Variants in GRIP1 observed in about 807,000 individuals in gnomAD.
The protein encoded by GRIP1 is glutamate receptor interacting protein 1.
GRIP1 carries 45 observed loss-of-function variants against 129.9 expected under a neutral mutation model. That is an observed-to-expected ratio of 0.35 (90% confidence interval 0.27 to 0.44). The LOEUF is 0.44. GRIP1 is among the 20% of genes least tolerant of loss of function. The pLI is 1.00. For synonymous variants in GRIP1, 530 were observed against 520.8 expected (o/e 1.02, Z -0.24); for missense variants, 1,196 against 1,396.8 (o/e 0.86, Z 2.29).
chr12:66,454,720 G>C (rs774671638), intron 11 of GRIP1, among the ~76,000 whole-genome samples: 10 of 152,084 alleles, frequency 6.6e-5, no homozygotes, highest in Admixed American at 4.6e-4. Flanking sequence ...CAAGAATCAT[G>C]GTTGAAATTC....
intron 23 of GRIP1, among the ~76,000 whole-genome samples, chr12:66,361,225 C>A (rs146205739): frequency 6.6e-6 from 1 of 152,274 alleles, no homozygotes; most frequent in African/African-American, 2.4e-5. Context: ...GCCTTCCTGT[C>A]TGGGGAGTCT....
In GRIP1 at chr12:66,986,848, T is replaced by A. The variant is rs28442245; in HGVS notation, c.58+82202A>T. Among the ~76,000 whole-genome samples the A allele has an allele frequency of 3.0e-4, 34 of 112,214 alleles. No homozygotes were observed. In the South Asian group the frequency reaches 4.3e-3, roughly 14 times the overall value. The allele number at this position is 112,214 out of a possible 152,430, so 73.6% of individuals were successfully genotyped here. ...TATAATAATAATAAAATAAAATTTT[T>A]AAAAAATTTTAAAAAAATAAAATAA... On this transcript the variant is annotated intron_variant, in intron 1 of 1. Coordinates refer to the GRIP1 transcript ENST00000643019.
At position 66,443,210 on chromosome 12, in the gene GRIP1, G is replaced by T. The variant is rs139602779; in HGVS notation, c.1687+1374C>A. Among the ~76,000 whole-genome samples, 521 of 152,312 alleles carry T rather than the reference G, an allele frequency of 3.4e-3. 6 individuals carry two copies. Among genetic ancestry groups the T allele is most frequent in the African/African-American group, 0.012 (481 of 41,572 alleles). ...TCCCTGGAGCCCTCTTCTTGATTAT[G>T]CCTTGTTTTTGGGCTGGGAGCCCAA... is the stretch of plus-strand genomic sequence containing the variant. On this transcript the variant is annotated intron_variant, in intron 13 of 24. Coordinates refer to ENST00000359742, the MANE Select transcript of GRIP1 (RefSeq NM_001366722.1).
intron 1 of GRIP1, among the ~76,000 whole-genome samples, chr12:66,635,640 G>A (rs2031286883): frequency 6.6e-6 from 1 of 151,966 alleles, no homozygotes; most frequent in Admixed American, 6.6e-5. Flanking sequence ...CCACCATAAA[G>A]AGATTGTAAA....
chr12:66,610,123 G>A (rs956138377), intron 1 of GRIP1, among the ~76,000 whole-genome samples: 10 of 152,152 alleles, frequency 6.6e-5, no homozygotes, highest in Admixed American at 5.9e-4. Context: ...ACGCAAATCA[G>A]TCAGAATTTT....
intron 1 of GRIP1, among the ~76,000 whole-genome samples, chr12:66,916,033 G>A (rs899625576): frequency 2.0e-5 from 3 of 152,214 alleles, no homozygotes. Flanking sequence ...AGGTGGGCTA[G>A]TGGCACTCTG....
intron 1 of GRIP1, among the ~76,000 whole-genome samples, chr12:66,652,249 C>T (rs1359519024): frequency 1.3e-5 from 2 of 152,074 alleles, no homozygotes; most frequent in African/African-American, 4.8e-5. Flanking sequence ...GTGATTGGAT[C>T]ATGGGGGTGG....
At chr12:66,614,372 C>A (rs10878468) in intron 1 of GRIP1, among the ~76,000 whole-genome samples, 10,526 of 152,068 alleles carry the variant, frequency 0.069, 504 homozygotes, top group East Asian at 0.19. Flanking sequence ...AGCCCTCCCC[C>A]ACACCATAGC....
intron 1 of GRIP1, among the ~76,000 whole-genome samples, chr12:66,846,023 T>C (rs1318174133): frequency 1.3e-5 from 2 of 152,196 alleles, no homozygotes; most frequent in African/African-American, 4.8e-5. Flanking sequence ...GAATCTTGAT[T>C]CACACTATTT....
At chr12:66,352,158 A>C (rs1396001324) in intron 24 of GRIP1, among the ~76,000 whole-genome samples, 1 of 152,216 alleles carries the variant, frequency 6.6e-6, no homozygotes, top group Non-Finnish European at 1.5e-5. Context: ...ATGGAGTTAC[A>C]TTCTAGTGGG....
rs141085384 is a variant in GRIP1 at position 66,347,729 on chromosome 12, A to C, written c.*1290T>G. 3 of 149,740 alleles carry C rather than the reference A, an allele frequency of 2.0e-5. No individual in the cohort carries two copies. Among genetic ancestry groups the C allele is most frequent in the Non-Finnish European group, 3.0e-5 (2 of 67,732 alleles). The allele number at this position is 149,740 out of a possible 1,614,324, so 9.3% of individuals were successfully genotyped here. On this transcript the variant is annotated 3_prime_UTR_variant, in exon 25 of 25. Coordinates refer to ENST00000359742, the MANE Select transcript of GRIP1 (RefSeq NM_001366722.1). Reference sequence around the variant, plus strand: ...GCGGTTCTGAAATGTGATTGAAATAATATTTTTTTTGCACAAAAAGAAAGG... The same window carrying C: ...GCGGTTCTGAAATGTGATTGAAATACTATTTTTTTTGCACAAAAAGAAAGG...
chr12:66,984,477 A>AT (rs1376516636), intron 1 of GRIP1, among the ~76,000 whole-genome samples: 2 of 152,200 alleles, frequency 1.3e-5, no homozygotes, highest in Admixed American at 6.6e-5. Context: ...TCTTACATTT[A>AT]TTGAGTGCTT....
At chr12:66,896,293 A>G (rs1200704975) in intron 1 of GRIP1, among the ~76,000 whole-genome samples, 1 of 152,076 alleles carries the variant, frequency 6.6e-6, no homozygotes, top group Non-Finnish European at 1.5e-5. Context: ...CAAACATTCA[A>G]TAAAGTCTGT....
intron 1 of GRIP1, among the ~76,000 whole-genome samples, chr12:66,826,287 C>T (rs762494871): frequency 1.3e-5 from 2 of 152,028 alleles, no homozygotes; most frequent in African/African-American, 2.4e-5. Context: ...GAACATCACA[C>T]ACTGGGGCCT....
intron 7 of GRIP1, among the ~76,000 whole-genome samples, chr12:66,499,088 G>T (rs2060317426): frequency 6.6e-6 from 1 of 152,220 alleles, no homozygotes; most frequent in African/African-American, 2.4e-5. Flanking sequence ...AACATTAAGT[G>T]TATGGTGACC....
At chr12:66,511,576 A>G (rs2060700084) in intron 7 of GRIP1, among the ~76,000 whole-genome samples, 1 of 152,162 alleles carries the variant, frequency 6.6e-6, no homozygotes, top group Non-Finnish European at 1.5e-5. Context: ...TGTAGAGTGC[A>G]CTATATCCCT....
chr12:66,855,476 GC>G (rs1467793855), intron 1 of GRIP1, among the ~76,000 whole-genome samples: 2 of 151,882 alleles, frequency 1.3e-5, no homozygotes, highest in Non-Finnish European at 2.9e-5. Context: ...CAGACTTGGG[GC>G]CCTTGCATCC....
At chr12:66,735,515 AC>A (rs1196291079) in intron 1 of GRIP1, among the ~76,000 whole-genome samples, 1 of 152,176 alleles carries the variant, frequency 6.6e-6, no homozygotes, top group Non-Finnish European at 1.5e-5. Flanking sequence ...TTTCTGACTC[AC>A]TTCTTACTGC....
At position 66,917,237 on chromosome 12, in the gene GRIP1, A is replaced by G. The variant is rs113362935; in HGVS notation, c.58+151813T>C. ...TCAGCATAGCCCTAATTTAAAATAC[A>G]TTCACATGCTGCCACTCTAATCAAT... On this transcript the variant is annotated intron_variant, in intron 1 of 1. Coordinates refer to the GRIP1 transcript ENST00000643019. Among the ~76,000 whole-genome samples, 480 of 152,342 alleles carry G rather than the reference A, an allele frequency of 3.2e-3. 1 individual carries two copies. Among genetic ancestry groups the G allele is most frequent in the African/African-American group, 0.011 (458 of 41,584 alleles).
Sources: allele counts gnomAD v4.1 joint callset (sites outside exome capture counted in the v4.1 genomes callset), GRCh38; gene constraint gnomAD v4.1.1; transcripts MANE v1.5; gene names NCBI Gene and HGNC (gene_info 2026-07-23, HGNC 2026-07-21).